DNAJB6: variants seen among roughly 807,000 people sequenced by gnomAD.
DNAJB6 encodes dnaJ homolog subfamily B member 6.
A neutral mutation model predicts 42.7 loss-of-function variants in DNAJB6; 16 were observed. That is an observed-to-expected ratio of 0.37 (90% confidence interval 0.25 to 0.57). The LOEUF is 0.57. Ranked by LOEUF, DNAJB6 falls within the 20% of genes least tolerant of loss-of-function variation. The probability of loss-of-function intolerance (pLI) is 0.74; values close to 1 mark genes in which losing one functional copy is unlikely to be tolerated. For synonymous variants in DNAJB6, 170 were observed against 163.5 expected (o/e 1.04, Z -0.30); for missense variants, 347 against 416.8 (o/e 0.83, Z 1.46).
At position 157,345,410 on chromosome 7, in the gene DNAJB6, G is replaced by A. The variant is rs530078732; in HGVS notation, c.-27+8266G>A. ...GCTCACAGCATCCTTGATCTCTTGCGCTCAAGTGATCCTGCCATTTCAGCC... is the reference window on the plus strand; with the variant it reads ...GCTCACAGCATCCTTGATCTCTTGCACTCAAGTGATCCTGCCATTTCAGCC... On this transcript the variant is annotated intron_variant, in intron 1 of 9. Transcript: ENST00000262177. 3.9e-3 allele frequency among the ~76,000 whole-genome samples: 595 copies of A among 152,140 alleles called. 2 individuals are homozygous for A. Among genetic ancestry groups the A allele is most frequent in the Middle Eastern group, 0.014 (4 of 294 alleles).
rs146794692 is a variant in DNAJB6, at chr7:157,362,457, C to T, written c.66-704C>T. On this transcript the variant is annotated intron_variant, in intron 2 of 9. Coordinates refer to ENST00000262177, the MANE Select transcript of DNAJB6 (RefSeq NM_058246.4). ...TGGTGCGATCTCGGCTCACCACAAC[C>T]TCTGCCTCCCAGGTTCCAGTGATTC... is the stretch of plus-strand genomic sequence containing the variant. Among the ~76,000 whole-genome samples, 370 of 152,264 alleles carry T rather than the reference C, an allele frequency of 2.4e-3. 11 individuals are homozygous for T. In the East Asian group the frequency reaches 0.056, roughly 23 times the overall value.
chr7:157,375,497 A>G (rs1173345701), intron 5 of DNAJB6, among the ~76,000 whole-genome samples: 2 of 152,254 alleles, frequency 1.3e-5, no homozygotes, highest in Non-Finnish European at 2.9e-5. Flanking sequence ...ACTTGTAATA[A>G]AAAACAATTA....
In DNAJB6 at chr7:157,367,395, A is replaced by G. The variant is rs754329370; in HGVS notation, c.258A>G (p.Pro86=). The change falls in exon 5 of 10, where the codon CCA becomes CCG. Residue 86 remains proline (P), a synonymous_variant. Transcript: ENST00000262177. ...CAGGTGGAAGTCATTTTGACAGTCC[A>G]TTTGAATTTGGCTTCACATTCCGTA... ...GGGGGSHFDS[P]FEFGFTFRNP... The G allele has an allele frequency of 6.2e-6, 10 of 1,612,676 alleles. No individual in the cohort carries two copies. Among genetic ancestry groups the G allele is most frequent in the Middle Eastern group, 1.6e-4 (1 of 6,082 alleles).
chr7:157,347,477 G>A (rs1199518604), intron 1 of DNAJB6, among the ~76,000 whole-genome samples: 1 of 152,214 alleles, frequency 6.6e-6, no homozygotes, highest in Non-Finnish European at 1.5e-5. Flanking sequence ...GAGTCACTGG[G>A]ACTTTAGGTG....
At chr7:157,361,593 T>G (rs1030927632) in intron 2 of DNAJB6, among the ~76,000 whole-genome samples, 3 of 152,258 alleles carry the variant, frequency 2.0e-5, no homozygotes, top group African/African-American at 4.8e-5. Flanking sequence ...ACAACAGCTT[T>G]ACAGTAATAA....
At chr7:157,364,904 G>A (rs1464149507) in intron 3 of DNAJB6, among the ~76,000 whole-genome samples, 1 of 152,138 alleles carries the variant, frequency 6.6e-6, no homozygotes, top group Non-Finnish European at 1.5e-5. Context: ...GCTTGCAAGT[G>A]GTTTGTTTCT....
intron 8 of DNAJB6, among the ~76,000 whole-genome samples, chr7:157,390,215 C>T (rs1337521576): frequency 1.3e-5 from 2 of 152,150 alleles, no homozygotes; most frequent in Non-Finnish European, 2.9e-5. Context: ...TCCCCACACC[C>T]CTCCTGCTGT....
intron 5 of DNAJB6, chr7:157,368,907 C>T (rs902638140): frequency 2.9e-5 from 6 of 207,548 alleles, no homozygotes; most frequent in South Asian, 6.7e-5. Context: ...TCCTGCCTGC[C>T]GCAGGCACGA....
At chr7:157,382,205 G>GA (rs552218882) in intron 5 of DNAJB6, 41 bp from the exon 6 acceptor site, 6 of 1,527,230 alleles carry the variant, frequency 3.9e-6, no homozygotes, top group South Asian at 1.3e-5. Context: ...AAAAAAACTT[G>GA]AAAAAAAGAC....
At chr7:157,402,513 GTCATGCTAT>G (rs1490131975) in intron 8 of DNAJB6, among the ~76,000 whole-genome samples, 1 of 152,212 alleles carries the variant, frequency 6.6e-6, no homozygotes, top group Non-Finnish European at 1.5e-5. Flanking sequence ...GTCTGGCGCC[GTCATGCTAT>G]GCATGGTGTC....
At position 157,337,837 on chromosome 7, in the gene DNAJB6, G is replaced by T. The variant is rs115156308; in HGVS notation, c.-27+693G>T. The T allele has an allele frequency of 3.3e-3, 501 of 152,358 alleles. 3 individuals carry two copies. The highest frequency in any genetic ancestry group is 0.011 in the African/African-American group (478 of 41,588). The allele number at this position is 152,358 out of a possible 1,614,324, so 9.4% of individuals were successfully genotyped here. Reference sequence around the variant, plus strand: ...GTCAGTGACACACGCAGTGTAAACTGCAAATCATATATTGGCTCGAGAAAG... The same window carrying T: ...GTCAGTGACACACGCAGTGTAAACTTCAAATCATATATTGGCTCGAGAAAG... On this transcript the variant is annotated intron_variant, in intron 1 of 9. Transcript: ENST00000262177.
intron 8 of DNAJB6, among the ~76,000 whole-genome samples, chr7:157,402,691 G>A (rs1286107107): frequency 6.6e-6 from 1 of 152,178 alleles, no homozygotes; most frequent in Non-Finnish European, 1.5e-5. Context: ...TCATCCCAGG[G>A]GCCTACGGTG....
chr7:157,355,924 A>G (rs35404848), intron 1 of DNAJB6, among the ~76,000 whole-genome samples: 84,098 of 152,106 alleles, frequency 0.55, 23,572 homozygotes, highest in East Asian at 0.75. Context: ...CGCGGCCCTC[A>G]CCCACACCCA....
intron 6 of DNAJB6, among the ~76,000 whole-genome samples, chr7:157,384,602 C>T (rs1015248667): frequency 3.9e-5 from 6 of 152,196 alleles, no homozygotes; most frequent in African/African-American, 1.4e-4. Context: ...CTGCTTGGGT[C>T]CCGCGAAGCT....
chr7:157,351,352 G>T (rs919784900), intron 1 of DNAJB6, among the ~76,000 whole-genome samples: 1 of 152,104 alleles, frequency 6.6e-6, no homozygotes, highest in Non-Finnish European at 1.5e-5. Context: ...TTGTGGGCCG[G>T]GCACGGTGGC....
At position 157,409,808 on chromosome 7, in the gene DNAJB6, C is replaced by G; in HGVS notation, c.705C>G (p.Asp235Glu). ...CTGTGCCTGCAGGTGTGGCCGACGA[C>G]GATGCCCTCGCTGAGGAGCGCATGC... Reference protein sequence around the residue: ...KSLTINGVADDDALAEERMRR... With the variant: ...KSLTINGVADEDALAEERMRR... The change falls in exon 9 of 10, where the codon GAC (aspartate) becomes GAG (glutamate). Residue 235 changes from aspartate (D) to glutamate (E), a missense_variant. This residue lies in a region of DNAJB6 where 264 missense variants were observed against 288.0 expected (regional missense o/e 0.92). Coordinates refer to ENST00000262177, the MANE Select transcript of DNAJB6 (RefSeq NM_058246.4). The G allele has an allele frequency of 6.5e-7, 1 of 1,528,616 alleles. No homozygotes were observed. Among genetic ancestry groups the G allele is most frequent in the Non-Finnish European group, 8.8e-7 (1 of 1,141,734 alleles). 94.7% of individuals were successfully genotyped at this position (1,528,616 alleles called of 1,614,324 possible). A position where few individuals can be genotyped will look rare whatever the true frequency, so the allele number is the denominator to read the frequency against.
intron 1 of DNAJB6, among the ~76,000 whole-genome samples, chr7:157,354,554 G>A (rs1456270671): frequency 1.3e-5 from 2 of 151,804 alleles, no homozygotes; most frequent in Non-Finnish European, 2.9e-5. Flanking sequence ...TTTCGAACTG[G>A]TCTCCAACTC....
chr7:157,366,204 G>A (rs1325861835), intron 3 of DNAJB6, among the ~76,000 whole-genome samples: 1 of 152,170 alleles, frequency 6.6e-6, no homozygotes, highest in Non-Finnish European at 1.5e-5. Flanking sequence ...GCCCACCTTG[G>A]CCTCCCAAAG....
intron 1 of DNAJB6, among the ~76,000 whole-genome samples, chr7:157,340,998 G>GTGTGTGTGCGTGCGCGCGCGCGCGCGCT (rs67210462): frequency 4.4e-5 from 6 of 134,960 alleles, no homozygotes; most frequent in Non-Finnish European, 7.7e-5. Flanking sequence ...GTGTGTGTGT[G>GTGTGTGTGCGTGCGCGCGCGCGCGCGCT]CGCGCGCGCA....
Sources: gnomAD v4.1 joint callset for allele counts (sites outside exome capture counted in the v4.1 genomes callset) on GRCh38, gnomAD v4.1.1 for gene constraint, gnomAD v4.1.1 regional missense constraint, MANE v1.5 for transcripts, NCBI Gene and HGNC (gene_info 2026-07-23, HGNC 2026-07-21) for gene names.